ZFYVE9: variants seen among roughly 807,000 people sequenced by gnomAD.
The protein encoded by ZFYVE9 is zinc finger FYVE domain-containing protein 9.
ZFYVE9 carries 43 observed loss-of-function variants against 126.7 expected under a neutral mutation model. The ratio of observed to expected loss-of-function variants is 0.34; its 90% CI spans 0.27 to 0.44. The LOEUF is 0.44. Among genes scored for constraint, ZFYVE9 ranks in the 20% least tolerant of loss-of-function variants. ZFYVE9 has a pLI of 1.00. For synonymous variants in ZFYVE9, 521 were observed against 597.4 expected (o/e 0.87, Z 1.87); for missense variants, 1,476 against 1,697.0 (o/e 0.87, Z 2.29).
At chr1:52,233,999 T>G (rs1194281140) in intron 3 of ZFYVE9, among the ~76,000 whole-genome samples, 1 of 152,132 alleles carries the variant, frequency 6.6e-6, no homozygotes, top group African/African-American at 2.4e-5. Flanking sequence ...CAGGCTGGTC[T>G]TAAACTCCTG....
At chr1:52,189,346 C>G (rs1053005925) in intron 1 of ZFYVE9, among the ~76,000 whole-genome samples, 3 of 151,246 alleles carry the variant, frequency 2.0e-5, no homozygotes, top group Non-Finnish European at 4.4e-5. Flanking sequence ...AAGTGATTCT[C>G]CTGCCTCAGC....
chr1:52,176,606 G>A (rs506269), intron 1 of ZFYVE9, among the ~76,000 whole-genome samples: 147,142 of 152,242 alleles, frequency 0.97, 71,124 homozygotes, highest in East Asian at 1. Context: ...TGGAGCCTAC[G>A]GAGGCAGGCA....
At chr1:52,263,944 T>G in intron 5 of ZFYVE9, 72 bp downstream of exon 5, 3 of 948,284 alleles carry the variant, frequency 3.2e-6, no homozygotes, top group South Asian at 3.6e-5. Context: ...AAGACTTTTT[T>G]CCCCCTGCCT....
intron 1 of ZFYVE9, among the ~76,000 whole-genome samples, chr1:52,186,524 C>CG (rs1384035672): frequency 3.3e-5 from 5 of 152,132 alleles, no homozygotes; most frequent in African/African-American, 1.2e-4. Flanking sequence ...AGAAGTAAAA[C>CG]TATCATCCAT....
At chr1:52,307,969 G>GT (rs955277202) in intron 13 of ZFYVE9, among the ~76,000 whole-genome samples, 1 of 151,536 alleles carries the variant, frequency 6.6e-6, no homozygotes, top group African/African-American at 2.4e-5. Context: ...AGCCAGGATG[G>GT]TCTCGATCTC....
chr1:52,244,051 A>G (rs746779475), intron 4 of ZFYVE9, among the ~76,000 whole-genome samples: 1 of 152,190 alleles, frequency 6.6e-6, no homozygotes, highest in African/African-American at 2.4e-5. Flanking sequence ...TGTCAGTAAG[A>G]TATGGACAGG....
chr1:52,248,872 C>A (rs1395238432), intron 4 of ZFYVE9, among the ~76,000 whole-genome samples: 1 of 152,158 alleles, frequency 6.6e-6, no homozygotes, highest in Non-Finnish European at 1.5e-5. Flanking sequence ...GCACAATTTT[C>A]CATTCCCGTC....
chr1:52,220,992 AAATT>A (rs1177848100), intron 2 of ZFYVE9, among the ~76,000 whole-genome samples: 2 of 152,184 alleles, frequency 1.3e-5, no homozygotes, highest in African/African-American at 2.4e-5. Context: ...AATACTTGCA[AAATT>A]AATTTTTTGT....
chr1:52,267,095 G>C (rs1446356229), intron 6 of ZFYVE9, among the ~76,000 whole-genome samples: 1 of 152,140 alleles, frequency 6.6e-6, no homozygotes, highest in African/African-American at 2.4e-5. Flanking sequence ...TAATTACACT[G>C]CTTGTCCTTA....
intron 7 of ZFYVE9, among the ~76,000 whole-genome samples, chr1:52,270,539 C>T (rs1237045951): frequency 1.3e-5 from 2 of 152,180 alleles, no homozygotes; most frequent in Admixed American, 6.5e-5. Context: ...GCTGGGATTA[C>T]AGGCGTAAGC....
At chr1:52,323,895 CAA>C (rs35308713) in intron 13 of ZFYVE9, among the ~76,000 whole-genome samples, 6 of 126,098 alleles carry the variant, frequency 4.8e-5, no homozygotes, top group Admixed American at 8.3e-5. Flanking sequence ...CTACTAAATA[CAA>C]AAAAAAAAAA....
At chr1:52,225,222 G>C (rs895448203) in intron 2 of ZFYVE9, among the ~76,000 whole-genome samples, 2 of 152,180 alleles carry the variant, frequency 1.3e-5, no homozygotes, top group Non-Finnish European at 2.9e-5. Context: ...CCATGTTGCT[G>C]AGAGTCCGGA....
chr1:52,218,145 TTC>T (rs1433770016), intron 2 of ZFYVE9, among the ~76,000 whole-genome samples: 1 of 152,162 alleles, frequency 6.6e-6, no homozygotes, highest in Non-Finnish European at 1.5e-5. Flanking sequence ...TTATTGGGGC[TTC>T]TTTTTTTCTT....
intron 10 of ZFYVE9, among the ~76,000 whole-genome samples, chr1:52,291,142 C>A (rs935580882): frequency 1.3e-5 from 2 of 152,156 alleles, no homozygotes; most frequent in African/African-American, 4.8e-5. Flanking sequence ...AAGAGTACTA[C>A]CCCTAAATTC....
intron 1 of ZFYVE9, among the ~76,000 whole-genome samples, chr1:52,150,860 C>T (rs1028938037): frequency 1.3e-5 from 2 of 151,988 alleles, no homozygotes; most frequent in African/African-American, 4.8e-5. Context: ...ACTTTAATCT[C>T]CATTTTTCAT....
Position 52,332,800 on chromosome 1 carries a change from T to A in ZFYVE9, c.3471T>A (p.His1157Gln). ...AAGCCATGAACAAGTCCAATGAGCA[T>A]GTCCTGGCAGGAGGTGCCTGCTTCA... The part of the protein sequence containing the change: ...MMKAMNKSNE[H>Q]VLAGGACFNE... The change falls in exon 14 of 19, where the codon CAT becomes CAA. Residue 1157 changes from histidine (H) to glutamine (Q), a missense_variant. Physicochemically the swap from His to Gln is conservative, Grantham distance 24 (BLOSUM62 0). Coordinates refer to ENST00000287727, the MANE Select transcript of ZFYVE9 (RefSeq NM_004799.4). 6.2e-7 allele frequency: 1 copy of A among 1,614,134 alleles called. No homozygotes were observed. The highest frequency in any genetic ancestry group is 8.5e-7 in the Non-Finnish European group (1 of 1,180,024).
chr1:52,317,696 G>GT (rs1277363650), intron 13 of ZFYVE9, among the ~76,000 whole-genome samples: 1 of 152,144 alleles, frequency 6.6e-6, no homozygotes, highest in African/African-American at 2.4e-5. Context: ...TAAACCTCTA[G>GT]TTAGACTGAT....
intron 13 of ZFYVE9, among the ~76,000 whole-genome samples, chr1:52,325,461 A>G (rs1646281601): frequency 6.6e-6 from 1 of 152,208 alleles, no homozygotes; most frequent in Non-Finnish European, 1.5e-5. Flanking sequence ...TCAAGGCTGC[A>G]GTGAGCAGTG....
chr1:52,318,942 C>G (rs925131530), intron 13 of ZFYVE9, among the ~76,000 whole-genome samples: 1 of 152,024 alleles, frequency 6.6e-6, no homozygotes, highest in Non-Finnish European at 1.5e-5. Flanking sequence ...ACAAAAAATA[C>G]AAAAATTAGC....
Sources: gnomAD v4.1 joint callset for allele counts (sites outside exome capture counted in the v4.1 genomes callset) on GRCh38, gnomAD v4.1.1 for gene constraint, MANE v1.5 for transcripts, NCBI Gene and HGNC (gene_info 2026-07-23, HGNC 2026-07-21) for gene names.